APP: variants seen among roughly 807,000 people sequenced by gnomAD.
APP encodes the protein amyloid beta precursor protein.
A neutral mutation model predicts 101.4 loss-of-function variants in APP; 31 were observed. The observed-to-expected ratio is 0.31, with a 90% confidence interval of 0.23 to 0.41. APP has a LOEUF of 0.41. APP is among the 10% of genes least tolerant of loss of function. APP has a pLI of 1.00. For missense variants in APP, 839 were observed against 1,003.7 expected (o/e 0.84, Z 2.22); for synonymous variants, 366 against 364.4 (o/e 1.00, Z -0.05).
chr21:26,138,791 C>A lies in APP; in HGVS notation c.58-26645G>T, dbSNP rs375363553. ...TTCAATGTATACAATACAGTCAGTA[C>A]CTGTTACTCAATATTTATCCATTGC... On this transcript the variant is annotated intron_variant, in intron 1 of 17. Coordinates refer to ENST00000346798, the MANE Select transcript of APP (RefSeq NM_000484.4). Among the ~76,000 whole-genome samples, 27 of 152,252 alleles carry A rather than the reference C, an allele frequency of 1.8e-4. No homozygotes were observed. The East Asian group carries it at 5.0e-3, about 28-fold the overall frequency.
intron 8 of APP, among the ~76,000 whole-genome samples, chr21:25,987,702 T>C (rs2042690203): frequency 6.6e-6 from 1 of 152,206 alleles, no homozygotes; most frequent in African/African-American, 2.4e-5. Context: ...TCCTTATTCT[T>C]TGCCACCCTG....
At chr21:26,147,707 C>T (rs1001942040) in intron 1 of APP, among the ~76,000 whole-genome samples, 1 of 152,056 alleles carries the variant, frequency 6.6e-6, no homozygotes, top group Non-Finnish European at 1.5e-5. Context: ...CCCATTAAGT[C>T]GGCCTCAAAG....
chr21:25,988,792 CCCACACG>C (rs2042743804), intron 8 of APP, among the ~76,000 whole-genome samples: 1 of 151,532 alleles, frequency 6.6e-6, no homozygotes, highest in Admixed American at 6.6e-5. Context: ...CAGCCCCCTT[CCCACACG>C]AGAAGGGTCA....
intron 3 of APP, among the ~76,000 whole-genome samples, chr21:26,061,244 G>C (rs2046254896): frequency 6.6e-6 from 1 of 152,156 alleles, no homozygotes; most frequent in Non-Finnish European, 1.5e-5. Flanking sequence ...GAAGATGATG[G>C]AAAAGTCTGG....
intron 3 of APP, among the ~76,000 whole-genome samples, chr21:26,062,405 A>T (rs2046305695): frequency 6.6e-6 from 1 of 151,746 alleles, no homozygotes; most frequent in Admixed American, 6.6e-5. Flanking sequence ...GCTCACACCT[A>T]TAATCCCAGC....
rs925217074 is a variant in APP at position 26,062,470 on chromosome 21, C to T, written c.356-9122G>A. Among the ~76,000 whole-genome samples the T allele has an allele frequency of 5.1e-4, 78 of 151,926 alleles. 1 individual carries two copies. The highest frequency in any genetic ancestry group is 8.5e-4 in the Non-Finnish European group (58 of 67,994). On this transcript the variant is annotated intron_variant, in intron 3 of 17. Coordinates refer to ENST00000346798, the MANE Select transcript of APP (RefSeq NM_000484.4). Reference sequence around the variant, plus strand: ...CTGAGGTCAGGAGTTCGAGACCAGCCTGGCTAACATGGTGAAACCCCGTCT... The same window carrying T: ...CTGAGGTCAGGAGTTCGAGACCAGCTTGGCTAACATGGTGAAACCCCGTCT...
intron 1 of APP, among the ~76,000 whole-genome samples, chr21:26,151,512 C>T (rs2063269817): frequency 1.3e-5 from 2 of 151,994 alleles, no homozygotes; most frequent in Non-Finnish European, 2.9e-5. Context: ...GACCACCATG[C>T]GTAACACTAC....
chr21:26,034,160 A>G (rs1270195318), intron 5 of APP, among the ~76,000 whole-genome samples: 1 of 152,194 alleles, frequency 6.6e-6, no homozygotes, highest in Non-Finnish European at 1.5e-5. Context: ...TGCATGGATA[A>G]TATGTCCCAC....
chr21:26,148,905 A>G (rs1260225971), intron 1 of APP, among the ~76,000 whole-genome samples: 1 of 152,232 alleles, frequency 6.6e-6, no homozygotes, highest in African/African-American at 2.4e-5. Context: ...TCTTGCAGTC[A>G]TATTTCTAGT....
intron 1 of APP, among the ~76,000 whole-genome samples, chr21:26,139,909 AACAAACAAAC>A (rs2063003417): frequency 6.6e-6 from 1 of 151,904 alleles, no homozygotes; most frequent in African/African-American, 2.4e-5. Context: ...CAAACAAACA[AACAAACAAAC>A]AATTTTCTGG....
At chr21:26,087,077 C>A (rs557816684) in intron 3 of APP, among the ~76,000 whole-genome samples, 1 of 152,238 alleles carries the variant, frequency 6.6e-6, no homozygotes, top group South Asian at 2.1e-4. Flanking sequence ...ATTGGAAAAC[C>A]TATGTTTTTC....
intron 1 of APP, among the ~76,000 whole-genome samples, chr21:26,155,445 A>G (rs1343825203): frequency 1.3e-5 from 2 of 152,132 alleles, no homozygotes; most frequent in African/African-American, 4.8e-5. Flanking sequence ...TTATGTGGCT[A>G]CTTGAAAACT....
chr21:25,944,706 T>G (rs2040729924), intron 13 of APP, among the ~76,000 whole-genome samples: 1 of 152,210 alleles, frequency 6.6e-6, no homozygotes, highest in Non-Finnish European at 1.5e-5. Flanking sequence ...ATCACTGATT[T>G]TTTTCCCCTC....
At position 25,947,930 on chromosome 21, in the gene APP, G is replaced by A. The variant is rs558780051; in HGVS notation, c.1687+6660C>T. 8.6e-5 allele frequency among the ~76,000 whole-genome samples: 13 copies of A among 150,912 alleles called. No homozygotes were observed. The East Asian group carries it at 1.4e-3, about 16-fold the overall frequency. ...TGAGGCAGGAGAATCACTTGAACCCGGGAGGCGGAGGTTGCAGTGAGCCGA... is the reference window on the plus strand; with the variant it reads ...TGAGGCAGGAGAATCACTTGAACCCAGGAGGCGGAGGTTGCAGTGAGCCGA... On this transcript the variant is annotated intron_variant, in intron 13 of 17. Coordinates refer to ENST00000346798, the MANE Select transcript of APP (RefSeq NM_000484.4).
At chr21:26,133,781 AC>A (rs1251474214) in intron 1 of APP, among the ~76,000 whole-genome samples, 1 of 152,214 alleles carries the variant, frequency 6.6e-6, no homozygotes, top group African/African-American at 2.4e-5. Flanking sequence ...CAGAAACAAA[AC>A]AAAACAAATA....
At chr21:26,121,890 A>G (rs1483381948) in intron 1 of APP, among the ~76,000 whole-genome samples, 1 of 152,136 alleles carries the variant, frequency 6.6e-6, no homozygotes, top group Non-Finnish European at 1.5e-5. Context: ...CGGAACGTAG[A>G]GCATGGGCAA....
intron 6 of APP, among the ~76,000 whole-genome samples, chr21:26,008,692 G>A (rs2146715804): frequency 6.6e-6 from 1 of 152,262 alleles, no homozygotes; most frequent in African/African-American, 2.4e-5. Flanking sequence ...GTTAATGACA[G>A]GAAATAGGGG....
At chr21:26,134,719 A>G (rs1327159383) in intron 1 of APP, among the ~76,000 whole-genome samples, 1 of 152,180 alleles carries the variant, frequency 6.6e-6, no homozygotes, top group African/African-American at 2.4e-5. Context: ...GAGGTTGGGG[A>G]GGGTGACTGA....
At chr21:26,126,044 T>C (rs911986088) in intron 1 of APP, among the ~76,000 whole-genome samples, 1 of 152,232 alleles carries the variant, frequency 6.6e-6, no homozygotes, top group Non-Finnish European at 1.5e-5. Flanking sequence ...ATCTCGCCCT[T>C]GGGCAGGAGG....
Sources: gnomAD v4.1 joint callset for allele counts (sites outside exome capture counted in the v4.1 genomes callset) on GRCh38, gnomAD v4.1.1 for gene constraint, MANE v1.5 for transcripts, NCBI Gene and HGNC (gene_info 2026-07-23, HGNC 2026-07-21) for gene names.